Variants in DENND5B observed in about 807,000 individuals in gnomAD.
DENND5B encodes DENN domain containing 5B, also known as DENN domain-containing protein 5B.
DENND5B carries 34 observed loss-of-function variants against 140.6 expected under a neutral mutation model. That is an observed-to-expected ratio of 0.24 (90% CI 0.18 to 0.32). DENND5B has a LOEUF of 0.32. Among genes scored for constraint, DENND5B ranks in the 10% least tolerant of loss-of-function variants. The probability of loss-of-function intolerance (pLI) is 1.00; values close to 1 mark genes in which losing one functional copy is unlikely to be tolerated. For missense variants in DENND5B, 1,142 were observed against 1,560.2 expected (o/e 0.73, Z 4.52); for synonymous variants, 551 against 562.1 (o/e 0.98, Z 0.28).
intron 1 of DENND5B, among the ~76,000 whole-genome samples, chr12:31,539,083 GATC>G (rs994637876): frequency 6.6e-6 from 1 of 151,570 alleles, no homozygotes; most frequent in Admixed American, 6.6e-5. Flanking sequence ...AAATTCAAAG[GATC>G]ATTAGTGGCT....
At chr12:31,543,449 G>A (rs1340037776) in intron 1 of DENND5B, among the ~76,000 whole-genome samples, 1 of 152,080 alleles carries the variant, frequency 6.6e-6, no homozygotes, top group Admixed American at 6.6e-5. Flanking sequence ...TTTTTATAAG[G>A]TAAGTGACTT....
intron 1 of DENND5B, among the ~76,000 whole-genome samples, chr12:31,558,019 C>T (rs1037409072): frequency 1.3e-5 from 2 of 152,002 alleles, no homozygotes; most frequent in Non-Finnish European, 2.9e-5. Flanking sequence ...CACCACTGCA[C>T]TAAAGCCTGG....
intron 11 of DENND5B, among the ~76,000 whole-genome samples, chr12:31,416,687 A>T (rs940191452): frequency 5.9e-5 from 9 of 151,836 alleles, no homozygotes; most frequent in African/African-American, 2.2e-4. Context: ...CACACAATTA[A>T]ACTCTTGAGT....
intron 10 of DENND5B, 107 bp from the exon 11 acceptor site, chr12:31,423,782 C>T: frequency 9.8e-7 from 1 of 1,021,220 alleles, no homozygotes; most frequent in Non-Finnish European, 1.5e-6. Flanking sequence ...TCTGGTGACC[C>T]AAGCTCACTC....
At chr12:31,402,770 T>A in intron 14 of DENND5B, 127 bp from the exon 15 acceptor site, 1 of 1,157,154 alleles carries the variant, frequency 8.6e-7, no homozygotes, top group Non-Finnish European at 1.2e-6. Flanking sequence ...AAGATGTACT[T>A]ATACGAAAAG....
intron 1 of DENND5B, among the ~76,000 whole-genome samples, chr12:31,573,674 A>G (rs903266791): frequency 1.3e-5 from 2 of 152,238 alleles, no homozygotes; most frequent in Non-Finnish European, 2.9e-5. Flanking sequence ...TCAATGGACA[A>G]TTAAATCTAC....
chr12:31,577,854 T>C (rs1208879442), intron 1 of DENND5B, among the ~76,000 whole-genome samples: 1 of 151,982 alleles, frequency 6.6e-6, no homozygotes, highest in Non-Finnish European at 1.5e-5. Context: ...TCCAGTGCAG[T>C]GGCTCACGCC....
chr12:31,520,886 C>T (rs1947850806), intron 1 of DENND5B, among the ~76,000 whole-genome samples: 1 of 152,054 alleles, frequency 6.6e-6, no homozygotes, highest in Non-Finnish European at 1.5e-5. Context: ...AAAAATTCAT[C>T]ATGACAATAA....
At chr12:31,551,746 G>C (rs1949070155) in intron 1 of DENND5B, among the ~76,000 whole-genome samples, 1 of 152,164 alleles carries the variant, frequency 6.6e-6, no homozygotes, top group South Asian at 2.1e-4. Flanking sequence ...TCATTGAGCA[G>C]TGGTTTGTAG....
intron 17 of DENND5B, among the ~76,000 whole-genome samples, chr12:31,393,476 G>A (rs947861505): frequency 6.6e-5 from 10 of 152,136 alleles, no homozygotes; most frequent in Admixed American, 2.6e-4. Context: ...GCTTGAATGC[G>A]ACCTAAATCA....
intron 20 of DENND5B, among the ~76,000 whole-genome samples, chr12:31,388,471 C>G (rs1475673144): frequency 6.6e-6 from 1 of 152,064 alleles, no homozygotes; most frequent in Non-Finnish European, 1.5e-5. Flanking sequence ...CCAGCTGTTT[C>G]AGGAAGATAA....
At chr12:31,387,898 T>G in intron 20 of DENND5B, 112 bp from the exon 21 acceptor site, 1 of 1,108,022 alleles carries the variant, frequency 9.0e-7, no homozygotes, top group Admixed American at 2.7e-5. Context: ...GTACAAAATG[T>G]ATCCAAGCTA....
rs534191277 is a variant in DENND5B, at chr12:31,391,592, T to C, written c.3466+675A>G. Among the ~76,000 whole-genome samples, 162 of 152,326 alleles carry C rather than the reference T, an allele frequency of 1.1e-3. 1 individual carries two copies. Among genetic ancestry groups the C allele is most frequent in the African/African-American group, 3.8e-3 (160 of 41,576 alleles). ...AACTCAAATACTATTTGGAATATTG[T>C]GCATATTACAATTTGTTGAGTAAAT... On this transcript the variant is annotated intron_variant, in intron 19 of 20. Transcript: ENST00000389082.
At position 31,578,773 on chromosome 12, in the gene DENND5B, G is replaced by C. The variant is rs1453244284; in HGVS notation, c.127+11933C>G. Reference sequence around the variant, plus strand: ...ACAGCTGGTCTGAAGGACTCAGAGGGGCAGCAGGGCGTAGGAAAAAAGGCT... The same window carrying C: ...ACAGCTGGTCTGAAGGACTCAGAGGCGCAGCAGGGCGTAGGAAAAAAGGCT... On this transcript the variant is annotated intron_variant, in intron 1 of 20. Transcript: ENST00000389082. 3.9e-5 allele frequency among the ~76,000 whole-genome samples: 6 copies of C among 152,198 alleles called. 1 individual carries two copies. The highest frequency in any genetic ancestry group is 2.6e-4 in the Admixed American group (4 of 15,270).
rs537165713 is a variant in DENND5B at position 31,571,295 on chromosome 12, T to C, written c.127+19411A>G. On this transcript the variant is annotated intron_variant, in intron 1 of 20. Transcript: ENST00000389082. ...CAGTAAGATAGAGATCAAGAGTTTATCTTGTCACTGAGTTGCCTCTTCTGC... is the reference window on the plus strand; with the variant it reads ...CAGTAAGATAGAGATCAAGAGTTTACCTTGTCACTGAGTTGCCTCTTCTGC... Among the ~76,000 whole-genome samples the C allele has an allele frequency of 1.0e-3, 152 of 152,364 alleles. 1 individual carries two copies. Among genetic ancestry groups the C allele is most frequent in the African/African-American group, 3.5e-3 (147 of 41,590 alleles).
intron 16 of DENND5B, among the ~76,000 whole-genome samples, chr12:31,398,859 T>C (rs966334285): frequency 2.6e-5 from 4 of 152,060 alleles, no homozygotes; most frequent in Non-Finnish European, 4.4e-5. Flanking sequence ...TGGTGGCTCA[T>C]GCCTGTAATC....
At chr12:31,435,144 C>T (rs1005697239) in intron 7 of DENND5B, among the ~76,000 whole-genome samples, 5 of 152,080 alleles carry the variant, frequency 3.3e-5, no homozygotes, top group Admixed American at 1.3e-4. Flanking sequence ...TCCCTATTCC[C>T]GTACCCACAC....
chr12:31,490,247 G>C (rs562719315), intron 2 of DENND5B, among the ~76,000 whole-genome samples: 1 of 152,046 alleles, frequency 6.6e-6, no homozygotes, highest in African/African-American at 2.4e-5. Flanking sequence ...GCGAGAGGAT[G>C]GGGGTGGCGG....
intron 1 of DENND5B, among the ~76,000 whole-genome samples, chr12:31,569,218 T>C (rs1168384458): frequency 2.0e-5 from 3 of 151,934 alleles, no homozygotes; most frequent in Non-Finnish European, 4.4e-5. Context: ...AGGCGCATAC[T>C]GCCAACACCC....
Sources: allele counts gnomAD v4.1 joint callset (sites outside exome capture counted in the v4.1 genomes callset), GRCh38; gene constraint gnomAD v4.1.1; transcripts MANE v1.5; gene names NCBI Gene and HGNC (gene_info 2026-07-23, HGNC 2026-07-21).